CAMTA1: variants seen among roughly 807,000 people sequenced by gnomAD.
CAMTA1 encodes the protein calmodulin-binding transcription activator 1.
CAMTA1 carries 27 observed loss-of-function variants against 170.9 expected under a neutral mutation model. The observed-to-expected ratio is 0.16, with a 90% CI of 0.12 to 0.22. CAMTA1 has a LOEUF of 0.22. Among genes scored for constraint, CAMTA1 ranks in the 10% least tolerant of loss-of-function variants. The probability of loss-of-function intolerance (pLI) is 1.00; values close to 1 mark genes in which losing one functional copy is unlikely to be tolerated. For synonymous variants in CAMTA1, 833 were observed against 891.5 expected, an observed-to-expected ratio of 0.93 and a Z score of 1.17; for missense variants, 1,619 against 2,217.2, an observed-to-expected ratio of 0.73 and a Z score of 5.42.
rs548520171 is a variant in CAMTA1 at position 6,837,074 on chromosome 1, C to T, written c.234+11864C>T. ...GTTCATGCCATTCTCCTGCCTCAGC[C>T]TCCCAAGCAGCTGGGACTACAGGCA... On this transcript the variant is annotated intron_variant, in intron 3 of 22. Transcript: ENST00000303635. Among the ~76,000 whole-genome samples, 135 of 152,140 alleles carry T rather than the reference C, an allele frequency of 8.9e-4. 1 individual carries two copies. The highest frequency in any genetic ancestry group is 3.4e-3 in the Middle Eastern group (1 of 294).
Position 7,645,401 on chromosome 1 carries a change from G to A in CAMTA1, c.664+4848G>A, listed in dbSNP as rs2095795940. On this transcript the variant is annotated intron_variant, in intron 7 of 22. Transcript: ENST00000303635. ...TCCCTGCCCATTTCCTGGCAGCCCA[G>A]GAGGGGATGGCACGCCAGGCATTTC... Among the ~76,000 whole-genome samples, 2 of 152,266 alleles carry A rather than the reference G, an allele frequency of 1.3e-5. 1 individual carries two copies. Among genetic ancestry groups the A allele is most frequent in the South Asian group, 4.1e-4 (2 of 4,836 alleles).
At chr1:7,066,351 G>A (rs1309462917) in intron 3 of CAMTA1, among the ~76,000 whole-genome samples, 1 of 152,194 alleles carries the variant, frequency 6.6e-6, no homozygotes, top group Admixed American at 6.5e-5. Flanking sequence ...GGGATCTACA[G>A]TGTGGGACAA....
intron 4 of CAMTA1, among the ~76,000 whole-genome samples, chr1:7,139,120 TA>T (rs1411864383): frequency 7.7e-6 from 1 of 129,130 alleles, no homozygotes; most frequent in Non-Finnish European, 1.6e-5. Flanking sequence ...AAACAAAATA[TA>T]TTTTTATAAA....
At chr1:7,260,862 C>T (rs1021261924) in intron 5 of CAMTA1, among the ~76,000 whole-genome samples, 2 of 152,146 alleles carry the variant, frequency 1.3e-5, no homozygotes, top group Non-Finnish European at 2.9e-5. Context: ...ATGATGGATG[C>T]GAGAGGTAGA....
rs185471202 is a variant in CAMTA1, at chr1:6,997,030, C to T, written c.235-94274C>T. On this transcript the variant is annotated intron_variant, in intron 3 of 22. Coordinates refer to ENST00000303635, the MANE Select transcript of CAMTA1 (RefSeq NM_015215.4). ...GCTTCCAGATGTGTCGGTTTGCAAG[C>T]GAACCTTTTGTTGGTAATTGTAAGC... Among the ~76,000 whole-genome samples the T allele has an allele frequency of 2.3e-3, 353 of 152,244 alleles. 2 individuals carry two copies. The highest frequency in any genetic ancestry group is 4.0e-3 in the Non-Finnish European group (273 of 68,010).
chr1:7,564,204 T>C lies in CAMTA1; in HGVS notation c.511-76196T>C, dbSNP rs111514028. Among the ~76,000 whole-genome samples the C allele has an allele frequency of 2.0e-4, 31 of 152,266 alleles. 1 individual carries two copies. The highest frequency in any genetic ancestry group is 6.7e-4 in the African/African-American group (28 of 41,566). On this transcript the variant is annotated intron_variant, in intron 6 of 22. Transcript: ENST00000303635. ...TCCTCCCAGACCCTCTATTTCCGGC[T>C]ATTGGGTAGGGCTGGCCTTTGTCAC...
chr1:7,433,672 T>C (rs1446551209), intron 5 of CAMTA1, among the ~76,000 whole-genome samples: 2 of 152,188 alleles, frequency 1.3e-5, no homozygotes, highest in Non-Finnish European at 2.9e-5. Context: ...CACGGTTCCA[T>C]TTAGATAATA....
intron 5 of CAMTA1, among the ~76,000 whole-genome samples, chr1:7,348,165 T>C (rs536366857): frequency 6.6e-6 from 1 of 152,056 alleles, no homozygotes; most frequent in East Asian, 1.9e-4. Flanking sequence ...GCCCCCCAGC[T>C]TTGTGTTCCC....
chr1:6,786,814 G>A (rs1350064391), intron 1 of CAMTA1, among the ~76,000 whole-genome samples: 1 of 152,144 alleles, frequency 6.6e-6, no homozygotes, highest in African/African-American at 2.4e-5. Flanking sequence ...ATAAGATGTA[G>A]GGCAGGGCTT....
At chr1:7,192,989 C>T (rs1396356381) in intron 4 of CAMTA1, among the ~76,000 whole-genome samples, 1 of 152,138 alleles carries the variant, frequency 6.6e-6, no homozygotes, top group Non-Finnish European at 1.5e-5. Context: ...AGGGGCTCAT[C>T]CCAGGTGCCT....
intron 4 of CAMTA1, among the ~76,000 whole-genome samples, chr1:7,190,462 T>C (rs7518864): frequency 0.7 from 107,006 of 152,038 alleles, 38,771 homozygotes; most frequent in African/African-American, 0.88. Context: ...ATAATCATGA[T>C]GTAACATAAA....
chr1:7,106,437 A>G (rs1383925297), intron 4 of CAMTA1, among the ~76,000 whole-genome samples: 1 of 152,118 alleles, frequency 6.6e-6, no homozygotes, highest in Non-Finnish European at 1.5e-5. Context: ...CTGTCCGGCC[A>G]CTTCCCTCCA....
rs184193096 is a variant in CAMTA1 at position 6,914,166 on chromosome 1, G to A, written c.234+88956G>A. ...TTTGCCCAGGCTGGAGTGCAACGGC[G>A]TGATCTCGGCTCACTGCAACCTCTG... On this transcript the variant is annotated intron_variant, in intron 3 of 22. Transcript: ENST00000303635. Among the ~76,000 whole-genome samples the A allele has an allele frequency of 1.9e-4, 28 of 146,872 alleles. No individual in the cohort carries two copies. In the East Asian group the frequency reaches 4.8e-3, roughly 25 times the overall value.
At chr1:7,744,488 C>A (rs1433869799) in intron 16 of CAMTA1, among the ~76,000 whole-genome samples, 2 of 152,118 alleles carry the variant, frequency 1.3e-5, no homozygotes, top group Non-Finnish European at 2.9e-5. Flanking sequence ...GGTTATGTAA[C>A]TAATAGTGAC....
chr1:7,504,515 C>T (rs928022526), intron 6 of CAMTA1, among the ~76,000 whole-genome samples: 1 of 152,248 alleles, frequency 6.6e-6, no homozygotes, highest in Admixed American at 6.5e-5. Context: ...TTCCAGGGCC[C>T]TCAGAGCTGC....
chr1:7,375,196 T>C (rs1353644234), intron 5 of CAMTA1, among the ~76,000 whole-genome samples: 1 of 152,224 alleles, frequency 6.6e-6, no homozygotes, highest in African/African-American at 2.4e-5. Flanking sequence ...AATCTGTGGC[T>C]GGGTCCTTTG....
intron 3 of CAMTA1, among the ~76,000 whole-genome samples, chr1:6,968,594 G>C (rs1691983715): frequency 2.0e-5 from 3 of 152,202 alleles, no homozygotes; most frequent in Admixed American, 2.0e-4. Flanking sequence ...GCAGTAGTTA[G>C]GATTGTGATC....
At chr1:7,516,768 G>C (rs2094292582) in intron 6 of CAMTA1, among the ~76,000 whole-genome samples, 1 of 152,128 alleles carries the variant, frequency 6.6e-6, no homozygotes, top group Non-Finnish European at 1.5e-5. Flanking sequence ...CCAGAAGAAG[G>C]GGCTCACTGG....
At chr1:7,488,966 T>C (rs1033914382) in intron 6 of CAMTA1, among the ~76,000 whole-genome samples, 2 of 151,960 alleles carry the variant, frequency 1.3e-5, no homozygotes, top group Non-Finnish European at 2.9e-5. Flanking sequence ...CACATATACA[T>C]ACAAGCACAC....
Sources: gnomAD v4.1 joint callset for allele counts (sites outside exome capture counted in the v4.1 genomes callset) on GRCh38, gnomAD v4.1.1 for gene constraint, MANE v1.5 for transcripts, NCBI Gene and HGNC (gene_info 2026-07-23, HGNC 2026-07-21) for gene names.